Variants in FOXP2 observed in about 807,000 individuals in gnomAD.
FOXP2 encodes forkhead box protein P2.
A neutral mutation model predicts 115.8 loss-of-function variants in FOXP2; 12 were observed. That is an observed-to-expected ratio of 0.10 (90% CI 0.07 to 0.17). FOXP2 has a LOEUF of 0.17. Among genes scored for constraint, FOXP2 ranks in the 10% least tolerant of loss-of-function variants. FOXP2 has a pLI of 1.00. For missense variants in FOXP2, 629 were observed against 843.5 expected, an observed-to-expected ratio of 0.75 and a Z score of 3.15; for synonymous variants, 328 against 297.7, an observed-to-expected ratio of 1.10 and a Z score of -1.05.
chr7:114,135,336 A>G (rs1439048580), intron 1 of FOXP2, among the ~76,000 whole-genome samples: 6 of 152,160 alleles, frequency 3.9e-5, no homozygotes, highest in Admixed American at 3.9e-4. Flanking sequence ...AGGTAAAAGC[A>G]AAATTTATTT....
chr7:114,500,773 A>G (rs552858378), intron 2 of FOXP2, among the ~76,000 whole-genome samples: 10 of 152,310 alleles, frequency 6.6e-5, no homozygotes, highest in African/African-American at 2.4e-4. Context: ...AGACAAACAA[A>G]CAAGCATTTT....
chr7:114,232,032 T>G (rs946088870), intron 1 of FOXP2, among the ~76,000 whole-genome samples: 1 of 152,050 alleles, frequency 6.6e-6, no homozygotes, highest in Non-Finnish European at 1.5e-5. Flanking sequence ...AATAACTGAT[T>G]GAAAAATGGG....
At chr7:114,518,740 A>G (rs1028579689) in intron 2 of FOXP2, among the ~76,000 whole-genome samples, 2 of 152,118 alleles carry the variant, frequency 1.3e-5, no homozygotes, top group African/African-American at 2.4e-5. Context: ...TCCTGATCTC[A>G]AGTGATCTTC....
rs1423765069 is a variant in FOXP2, at chr7:114,251,813, A to G, written c.-101-36206A>G. ...CTCCTGCCTGATTGCCCTGGCCACA[A>G]CTTCCAACACTGTGTTGAATAGGAG... On this transcript the variant is annotated intron_variant, in intron 1 of 17. Transcript: ENST00000634411. Among the ~76,000 whole-genome samples, 5 of 152,188 alleles carry G rather than the reference A, an allele frequency of 3.3e-5. 1 individual carries two copies. In the South Asian group the frequency reaches 1.0e-3, roughly 32 times the overall value.
At chr7:114,361,506 A>G (rs866086075) in intron 2 of FOXP2, among the ~76,000 whole-genome samples, 1 of 152,116 alleles carries the variant, frequency 6.6e-6, no homozygotes, top group Non-Finnish European at 1.5e-5. Context: ...TTGTTCAGCC[A>G]TAATGTCTTA....
At chr7:114,382,523 AT>A (rs1465393040) in intron 2 of FOXP2, among the ~76,000 whole-genome samples, 1 of 151,884 alleles carries the variant, frequency 6.6e-6, no homozygotes, top group African/African-American at 2.4e-5. Context: ...TAGGCATTCG[AT>A]TTGCCCAGCT....
intron 2 of FOXP2, among the ~76,000 whole-genome samples, chr7:114,495,140 C>G (rs1197738708): frequency 1.3e-5 from 2 of 152,104 alleles, no homozygotes; most frequent in Non-Finnish European, 2.9e-5. Context: ...AAGCCTGGAG[C>G]TTTTATGAAT....
intron 2 of FOXP2, chr7:114,499,409 C>T (rs915124934): frequency 1.3e-5 from 2 of 152,412 alleles, no homozygotes; most frequent in African/African-American, 4.8e-5. Flanking sequence ...ACTTAATTGG[C>T]TACTTTATTT....
At chr7:114,545,027 G>A (rs573399991) in intron 3 of FOXP2, among the ~76,000 whole-genome samples, 3 of 152,208 alleles carry the variant, frequency 2.0e-5, no homozygotes, top group Non-Finnish European at 4.4e-5. Context: ...ATTGAGGAAC[G>A]AGGGATGGAA....
chr7:114,692,425 T>A lies in FOXP2; in HGVS notation c.*2499T>A, dbSNP rs1563083996. 2.2e-6 allele frequency: 1 copy of A among 449,640 alleles called. No individual in the cohort carries two copies. 27.9% of individuals were successfully genotyped at this position (449,640 alleles called of 1,614,324 possible). A position where few individuals can be genotyped will look rare whatever the true frequency, so the allele number is the denominator to read the frequency against. ...AATTGCTTTGAAAATAGATTTTAGG[T>A]TTTTTGGAGTTTCCTGAAATGCTTG... On this transcript the variant is annotated 3_prime_UTR_variant, in exon 17 of 17. Transcript: ENST00000350908.
At chr7:114,260,577 T>G (rs899000672) in intron 1 of FOXP2, among the ~76,000 whole-genome samples, 15 of 152,170 alleles carry the variant, frequency 9.9e-5, no homozygotes, top group African/African-American at 3.6e-4. Context: ...CTAAATTTTC[T>G]AGCCTACTAT....
intron 2 of FOXP2, among the ~76,000 whole-genome samples, chr7:114,365,668 A>AT (rs1791859590): frequency 6.6e-6 from 1 of 152,048 alleles, no homozygotes. Context: ...CTTTACTAAG[A>AT]TTTTTTAAGT....
intron 2 of FOXP2, among the ~76,000 whole-genome samples, chr7:114,467,227 T>C (rs1376360963): frequency 1.3e-5 from 2 of 152,186 alleles, no homozygotes; most frequent in African/African-American, 4.8e-5. Flanking sequence ...TGGCTACTAC[T>C]AGAAGGAGGA....
chr7:114,628,802 G>A, intron 4 of FOXP2, 125 bp downstream of exon 4: 1 of 1,117,698 alleles, frequency 8.9e-7, no homozygotes. Context: ...TAGCGTGCTA[G>A]AACATAAATG....
intron 1 of FOXP2, among the ~76,000 whole-genome samples, chr7:114,424,916 T>G (rs1793775915): frequency 6.7e-6 from 1 of 149,786 alleles, no homozygotes; most frequent in African/African-American, 2.5e-5. Context: ...TCAGTATGTC[T>G]TTTTTTTTAA....
chr7:114,385,350 G>T (rs1280050097), intron 2 of FOXP2, among the ~76,000 whole-genome samples: 3 of 152,142 alleles, frequency 2.0e-5, no homozygotes, highest in Non-Finnish European at 2.9e-5. Flanking sequence ...TTGCGGCTAC[G>T]CTTTCAAGAA....
chr7:114,686,131 T>G (rs1047213705), intron 16 of FOXP2, among the ~76,000 whole-genome samples: 3 of 151,278 alleles, frequency 2.0e-5, no homozygotes, highest in South Asian at 2.1e-4. Flanking sequence ...AAATAATAAG[T>G]TTTTTTTATA....
intron 3 of FOXP2, among the ~76,000 whole-genome samples, chr7:114,557,349 C>A (rs1440128499): frequency 6.6e-6 from 1 of 152,134 alleles, no homozygotes; most frequent in Non-Finnish European, 1.5e-5. Flanking sequence ...TACATCTGTA[C>A]TATGTCTCTT....
chr7:114,174,211 C>T (rs890463738), intron 1 of FOXP2, among the ~76,000 whole-genome samples: 1 of 151,814 alleles, frequency 6.6e-6, no homozygotes, highest in African/African-American at 2.4e-5. Context: ...TATGTATGTA[C>T]TTATGTGTCT....
Sources: gnomAD v4.1 joint callset for allele counts (sites outside exome capture counted in the v4.1 genomes callset) on GRCh38, gnomAD v4.1.1 for gene constraint, MANE v1.5 for transcripts, NCBI Gene and HGNC (gene_info 2026-07-23, HGNC 2026-07-21) for gene names.